AFG2A: variants seen among roughly 807,000 people sequenced by gnomAD.
AFG2A encodes AAA ATPase AFG2A.
At chr4:123,132,751 C>A in the AFG2A span, among the ~76,000 whole-genome samples, 2 of 150,716 alleles carry the variant, frequency 1.3e-5, no homozygotes, top group East Asian at 3.9e-4. Flanking sequence ...GCATCTCTTC[C>A]GCATCTCTTC....
At chr4:123,017,172 G>A in the AFG2A span, among the ~76,000 whole-genome samples, 1 of 28,330 alleles carries the variant, frequency 3.5e-5, no homozygotes, top group African/African-American at 1.3e-4. Flanking sequence ...AGGGGAGAGG[G>A]AGAGGGGGGA....
the AFG2A span, among the ~76,000 whole-genome samples, chr4:123,312,666 T>G: frequency 1.4e-4 from 22 of 152,360 alleles, no homozygotes; most frequent in East Asian, 4.1e-3. Flanking sequence ...TGTTTTTTCC[T>G]TCAACAAGAT....
the AFG2A span, among the ~76,000 whole-genome samples, chr4:123,049,839 T>G: frequency 1.3e-5 from 2 of 152,038 alleles, no homozygotes; most frequent in African/African-American, 2.4e-5. Flanking sequence ...TATTATTTGT[T>G]TTCTTGTAGT....
the AFG2A span, among the ~76,000 whole-genome samples, chr4:123,273,953 ACTGGTTAGCTAAGGAC>A: frequency 6.6e-6 from 1 of 152,090 alleles, no homozygotes; most frequent in Non-Finnish European, 1.5e-5. Flanking sequence ...TTATATGATT[ACTGGTTAGCTAAGGAC>A]CTGTCTATGT....
At chr4:123,166,916 A>G in the AFG2A span, among the ~76,000 whole-genome samples, 422 of 152,210 alleles carry the variant, frequency 2.8e-3, 3 homozygotes, top group Middle Eastern at 0.031. Context: ...AAAGGAGTAT[A>G]TACTATATTA....
the AFG2A span, among the ~76,000 whole-genome samples, chr4:123,183,165 T>A: frequency 6.6e-6 from 1 of 152,180 alleles, no homozygotes; most frequent in Non-Finnish European, 1.5e-5. Flanking sequence ...AAGACAGATG[T>A]GAGTTTGAAA....
the AFG2A span, among the ~76,000 whole-genome samples, chr4:122,996,957 C>G: frequency 6.6e-6 from 1 of 152,166 alleles, no homozygotes; most frequent in Non-Finnish European, 1.5e-5. Flanking sequence ...TGTCTGGACT[C>G]TTAGCTGATT....
At chr4:123,204,719 T>C in the AFG2A span, among the ~76,000 whole-genome samples, 1 of 152,174 alleles carries the variant, frequency 6.6e-6, no homozygotes, top group Admixed American at 6.5e-5. Context: ...GAATATCTCA[T>C]AGGGTTTTAA....
the AFG2A span, among the ~76,000 whole-genome samples, chr4:122,933,254 A>G: frequency 3.9e-5 from 6 of 152,220 alleles, no homozygotes; most frequent in Admixed American, 6.5e-5. Context: ...TGATATTTTC[A>G]TGGCTATATG....
chr4:122,952,025 A>G, the AFG2A span, among the ~76,000 whole-genome samples: 21 of 152,190 alleles, frequency 1.4e-4, no homozygotes, highest in African/African-American at 4.8e-4. Flanking sequence ...GTGTCTGGGC[A>G]TTCCCAGACT....
the AFG2A span, among the ~76,000 whole-genome samples, chr4:123,122,769 A>G: frequency 6.8e-6 from 1 of 146,218 alleles, no homozygotes; most frequent in Non-Finnish European, 1.5e-5. Flanking sequence ...TGGCCATGTC[A>G]TCTGTTTTTT....
At chr4:123,251,918 T>C in the AFG2A span, among the ~76,000 whole-genome samples, 5 of 152,248 alleles carry the variant, frequency 3.3e-5, no homozygotes, top group East Asian at 3.9e-4. Flanking sequence ...TTGATTGATA[T>C]ATATTTGATA....
chr4:123,080,581 G>A, the AFG2A span, among the ~76,000 whole-genome samples: 2 of 151,734 alleles, frequency 1.3e-5, no homozygotes, highest in Admixed American at 6.6e-5. Flanking sequence ...TTCTAACTAT[G>A]TATTTTTTCT....
At chr4:123,141,457 C>A in the AFG2A span, among the ~76,000 whole-genome samples, 2 of 152,036 alleles carry the variant, frequency 1.3e-5, no homozygotes, top group East Asian at 3.9e-4. Context: ...GAGCGAGACT[C>A]GGTCTCAAAA....
At chr4:123,042,922 T>C in the AFG2A span, among the ~76,000 whole-genome samples, 3 of 152,212 alleles carry the variant, frequency 2.0e-5, no homozygotes, top group Admixed American at 6.5e-5. Context: ...TTAAAGAAAT[T>C]AATTGAAAAA....
At chr4:123,073,246 G>A in the AFG2A span, among the ~76,000 whole-genome samples, 35 of 150,994 alleles carry the variant, frequency 2.3e-4, no homozygotes, top group Non-Finnish European at 4.4e-4. Flanking sequence ...TTCACTTAAG[G>A]AAATGATGTT....
chr4:122,936,128 C>G, the AFG2A span: 2 of 1,603,948 alleles, frequency 1.2e-6, no homozygotes, highest in African/African-American at 1.3e-5. Flanking sequence ...AGCAAAGTTA[C>G]GTCAGATATT....
the AFG2A span, among the ~76,000 whole-genome samples, chr4:123,309,069 G>T: frequency 6.6e-5 from 10 of 152,162 alleles, no homozygotes; most frequent in Non-Finnish European, 1.3e-4. Context: ...ATAAGCAAGA[G>T]CCATAATGTG....
the AFG2A span, among the ~76,000 whole-genome samples, chr4:123,245,711 T>C: frequency 6.6e-6 from 1 of 152,344 alleles, no homozygotes; most frequent in South Asian, 2.1e-4. Context: ...TCTTGCACAG[T>C]GCTACAGGTT....
Sources: allele counts gnomAD v4.1 joint callset (sites outside exome capture counted in the v4.1 genomes callset), GRCh38; gene constraint gnomAD v4.1.1; transcripts MANE v1.5; gene names NCBI Gene and HGNC (gene_info 2026-07-23, HGNC 2026-07-21).